PIGK: variants seen among roughly 807,000 people sequenced by gnomAD.
The protein encoded by PIGK is GPI-anchor transamidase.
A neutral mutation model predicts 50.6 loss-of-function variants in PIGK; 42 were observed. The observed-to-expected ratio is 0.83, with a 90% confidence interval of 0.65 to 1.07. PIGK has a LOEUF of 1.07. PIGK is among the 50% of genes least tolerant of loss of function. The pLI is 0.00. For missense variants in PIGK, 448 were observed against 488.7 expected (o/e 0.92, Z 0.78); for synonymous variants, 151 against 156.0 (o/e 0.97, Z 0.24).
chr1:77,187,283 G>C (rs1045148062), intron 3 of PIGK, among the ~76,000 whole-genome samples: 1 of 152,134 alleles, frequency 6.6e-6, no homozygotes, highest in Admixed American at 6.5e-5. Flanking sequence ...ATATGGTACT[G>C]TTTCTCCCAT....
chr1:77,157,614 C>A (rs1220295024), intron 8 of PIGK, among the ~76,000 whole-genome samples: 1 of 152,102 alleles, frequency 6.6e-6, no homozygotes, highest in African/African-American at 2.4e-5. Flanking sequence ...GTTAAAGTAG[C>A]ATTATCACAA....
intron 3 of PIGK, among the ~76,000 whole-genome samples, chr1:77,198,001 G>C (rs1453616242): frequency 6.6e-6 from 1 of 152,076 alleles, no homozygotes; most frequent in Admixed American, 6.6e-5. Flanking sequence ...ATAGTTTGCT[G>C]AGTTATCCTC....
chr1:77,120,709 A>T (rs1293661489), intron 10 of PIGK, among the ~76,000 whole-genome samples: 2 of 152,218 alleles, frequency 1.3e-5, no homozygotes, highest in African/African-American at 4.8e-5. Context: ...ACTATTCTTT[A>T]ACTGAGAACA....
At position 77,110,976 on chromosome 1, in the gene PIGK, T is replaced by C. The variant is rs370626565; in HGVS notation, c.1071+11299A>G. ...TGAACAGACACTTCTCAAAAGAAGA[T>C]ATTTATGCAGCCAAAAGACACATGA... On this transcript the variant is annotated intron_variant, in intron 10 of 10. Coordinates refer to ENST00000370812, the MANE Select transcript of PIGK (RefSeq NM_005482.3). Among the ~76,000 whole-genome samples, 20 of 152,190 alleles carry C rather than the reference T, an allele frequency of 1.3e-4. No homozygotes were observed. The East Asian group carries it at 3.7e-3, about 28-fold the overall frequency.
At chr1:77,100,076 C>T (rs1570178749) in intron 10 of PIGK, among the ~76,000 whole-genome samples, 1 of 152,040 alleles carries the variant, frequency 6.6e-6, no homozygotes, top group Non-Finnish European at 1.5e-5. Flanking sequence ...AGAACATTAC[C>T]ACATAACTTT....
At chr1:77,207,654 T>C (rs1314049099) in intron 2 of PIGK, among the ~76,000 whole-genome samples, 3 of 152,134 alleles carry the variant, frequency 2.0e-5, no homozygotes, top group African/African-American at 7.2e-5. Flanking sequence ...GCCTCAAAAG[T>C]TAGTGTTGTT....
intron 3 of PIGK, among the ~76,000 whole-genome samples, chr1:77,194,156 T>C (rs1655975723): frequency 6.6e-6 from 1 of 152,204 alleles, no homozygotes. Context: ...CCAGTCAGAA[T>C]GACTATTATG....
At chr1:77,201,922 G>A (rs1656177287) in intron 3 of PIGK, among the ~76,000 whole-genome samples, 1 of 151,814 alleles carries the variant, frequency 6.6e-6, no homozygotes, top group Non-Finnish European at 1.5e-5. Context: ...GCCAGGCATG[G>A]TGGTGCGCAC....
intron 1 of PIGK, among the ~76,000 whole-genome samples, chr1:77,212,892 G>A (rs1656452468): frequency 6.6e-6 from 1 of 152,114 alleles, no homozygotes; most frequent in Non-Finnish European, 1.5e-5. Flanking sequence ...CCATTGGACG[G>A]ATCATCTGGA....
chr1:77,143,865 T>C (rs1654709948), intron 9 of PIGK, among the ~76,000 whole-genome samples: 2 of 152,106 alleles, frequency 1.3e-5, no homozygotes, highest in Admixed American at 1.3e-4. Context: ...ATTCTAGCAA[T>C]AATTAATTTT....
intron 10 of PIGK, among the ~76,000 whole-genome samples, chr1:77,100,400 T>C (rs1362208246): frequency 6.6e-6 from 1 of 152,224 alleles, no homozygotes; most frequent in Non-Finnish European, 1.5e-5. Context: ...TTTGTATTTC[T>C]CTAATTATAT....
chr1:77,098,687 G>A (rs1361000831), intron 10 of PIGK, among the ~76,000 whole-genome samples: 1 of 152,002 alleles, frequency 6.6e-6, no homozygotes, highest in African/African-American at 2.4e-5. Context: ...ATTTCAAAAT[G>A]TATAGAAATC....
intron 9 of PIGK, among the ~76,000 whole-genome samples, chr1:77,147,145 G>A (rs1033129102): frequency 3.4e-4 from 52 of 152,170 alleles, no homozygotes; most frequent in Admixed American, 1.5e-3. Context: ...CTTGGTGGCA[G>A]TAAGAGAGAA....
At chr1:77,154,393 A>T in intron 9 of PIGK, 56 bp downstream of exon 9, 2 of 1,368,448 alleles carry the variant, frequency 1.5e-6, no homozygotes, top group South Asian at 2.5e-5. Flanking sequence ...TGTTTCAAAA[A>T]AATGTACAAA....
At chr1:77,166,883 G>T in intron 4 of PIGK, 53 bp from the exon 5 acceptor site, 1 of 838,634 alleles carries the variant, frequency 1.2e-6, no homozygotes, top group Non-Finnish European at 2.0e-6. Flanking sequence ...GGGAAATCTT[G>T]ACAAATTACT....
chr1:77,112,266 T>C (rs765525808), intron 10 of PIGK, among the ~76,000 whole-genome samples: 3 of 149,180 alleles, frequency 2.0e-5, no homozygotes, highest in Non-Finnish European at 4.5e-5. Flanking sequence ...ATTAAGGTGA[T>C]TTCAGGTCAA....
At chr1:77,215,993 A>G (rs1656553061) in intron 1 of PIGK, among the ~76,000 whole-genome samples, 1 of 152,178 alleles carries the variant, frequency 6.6e-6, no homozygotes, top group Admixed American at 6.5e-5. Flanking sequence ...AATTACAGAT[A>G]GCAGGAATAA....
intron 1 of PIGK, among the ~76,000 whole-genome samples, chr1:77,211,814 T>C (rs1656428070): frequency 1.3e-5 from 2 of 151,444 alleles, no homozygotes; most frequent in African/African-American, 4.8e-5. Flanking sequence ...TCTTTTTTTT[T>C]TTTTTTCTGG....
intron 3 of PIGK, among the ~76,000 whole-genome samples, chr1:77,182,761 T>C (rs1238423117): frequency 2.6e-5 from 4 of 152,170 alleles, no homozygotes; most frequent in African/African-American, 7.2e-5. Flanking sequence ...TCTAATAGTA[T>C]GGAGAACACT....
Sources: allele counts gnomAD v4.1 joint callset (sites outside exome capture counted in the v4.1 genomes callset), GRCh38; gene constraint gnomAD v4.1.1; transcripts MANE v1.5; gene names NCBI Gene and HGNC (gene_info 2026-07-23, HGNC 2026-07-21).